Variants in PTPRD observed in about 807,000 individuals in gnomAD.
PTPRD encodes the protein protein tyrosine phosphatase receptor type D.
A neutral mutation model predicts 214.5 loss-of-function variants in PTPRD; 34 were observed. The observed-to-expected ratio is 0.16, with a 90% CI of 0.12 to 0.21. PTPRD has a LOEUF of 0.21. Ranked by LOEUF, PTPRD falls within the 10% of genes least tolerant of loss-of-function variation. PTPRD has a pLI of 1.00. For missense variants in PTPRD, 2,545 were observed against 2,398.7 expected (o/e 1.06, Z -1.27); for synonymous variants, 1,128 against 845.7 (o/e 1.33, Z -5.79).
intron 5 of PTPRD, among the ~76,000 whole-genome samples, chr9:9,792,639 C>T (rs2098975755): frequency 6.6e-6 from 1 of 152,100 alleles, no homozygotes; most frequent in South Asian, 2.1e-4. Context: ...TGAGGAAGTA[C>T]ACTCAGTGGC....
At chr9:10,076,282 C>A (rs1464485430) in intron 3 of PTPRD, among the ~76,000 whole-genome samples, 5 of 152,070 alleles carry the variant, frequency 3.3e-5, no homozygotes, top group Admixed American at 2.0e-4. Context: ...CCACGGTACT[C>A]ATCATCCTAT....
At chr9:9,705,552 T>A (rs2097584104) in intron 7 of PTPRD, among the ~76,000 whole-genome samples, 1 of 152,102 alleles carries the variant, frequency 6.6e-6, no homozygotes, top group African/African-American at 2.4e-5. Context: ...GCACTTGAGG[T>A]CTTTGCTCTC....
At chr9:9,796,529 G>T (rs749557475) in intron 5 of PTPRD, among the ~76,000 whole-genome samples, 8 of 152,080 alleles carry the variant, frequency 5.3e-5, no homozygotes, top group African/African-American at 1.9e-4. Context: ...AAGTAGATGA[G>T]AATTCTCAGG....
chr9:8,728,548 C>T (rs932611235), intron 12 of PTPRD, among the ~76,000 whole-genome samples: 3 of 152,198 alleles, frequency 2.0e-5, no homozygotes, highest in African/African-American at 7.2e-5. Context: ...ACTGACTCTG[C>T]CTACTGAAAT....
chr9:10,153,910 A>G (rs919388249), intron 3 of PTPRD, among the ~76,000 whole-genome samples: 1 of 152,084 alleles, frequency 6.6e-6, no homozygotes, highest in African/African-American at 2.4e-5. Context: ...AGTTGATTCT[A>G]TGTCTTTGAT....
At chr9:8,550,769 A>C (rs1420837208) in intron 14 of PTPRD, among the ~76,000 whole-genome samples, 4 of 152,236 alleles carry the variant, frequency 2.6e-5, no homozygotes, top group Non-Finnish European at 4.4e-5. Context: ...CTACAGCTTT[A>C]ACTATGAGAA....
intron 9 of PTPRD, among the ~76,000 whole-genome samples, chr9:9,296,973 A>G (rs984221786): frequency 1.3e-5 from 2 of 151,700 alleles, no homozygotes; most frequent in African/African-American, 4.8e-5. Context: ...AGTCTATAAA[A>G]CTTCTTTAAC....
chr9:9,334,469 A>T (rs1202548077), intron 9 of PTPRD, among the ~76,000 whole-genome samples: 1 of 151,978 alleles, frequency 6.6e-6, no homozygotes, highest in East Asian at 1.9e-4. Context: ...AGTTTCCCTA[A>T]CTTTTCCATC....
intron 9 of PTPRD, among the ~76,000 whole-genome samples, chr9:9,285,722 G>A (rs559765038): frequency 1.7e-4 from 26 of 151,642 alleles, no homozygotes; most frequent in African/African-American, 5.6e-4. Context: ...CCCCTCTTAC[G>A]GAGTACTACT....
intron 11 of PTPRD, among the ~76,000 whole-genome samples, chr9:8,911,771 C>G (rs2098750017): frequency 6.6e-6 from 1 of 151,834 alleles, no homozygotes; most frequent in Non-Finnish European, 1.5e-5. Context: ...AATTATATTT[C>G]TGATAGAGGA....
At chr9:10,200,101 C>T (rs2099413651) in intron 3 of PTPRD, among the ~76,000 whole-genome samples, 1 of 151,944 alleles carries the variant, frequency 6.6e-6, no homozygotes, top group African/African-American at 2.4e-5. Flanking sequence ...CATTTTGTGA[C>T]GTGCAATATG....
rs575058286 is a variant in PTPRD at position 10,157,605 on chromosome 9, A to C, written c.-544-123815T>G. ...TTTGCCCTTGGGGAATCTGATAATT[A>C]TGTGACTTGGAAATGATCTTCTTGT... is the stretch of plus-strand genomic sequence containing the variant. On this transcript the variant is annotated intron_variant, in intron 3 of 45. Transcript: ENST00000381196. 5.9e-5 allele frequency among the ~76,000 whole-genome samples: 9 copies of C among 152,104 alleles called. No homozygotes were observed. The South Asian group carries it at 1.7e-3, about 28-fold the overall frequency.
In PTPRD at chr9:9,028,830, C is replaced by T. The variant is rs59683743; in HGVS notation, c.-142-10095G>A. On this transcript the variant is annotated intron_variant, in intron 10 of 45. Transcript: ENST00000381196. ...TGATGACTGGGGAAGTTTGCCCAGGCGAGTTAGAATTTAAGTGAGAGAGCC... is the reference window on the plus strand; with the variant it reads ...TGATGACTGGGGAAGTTTGCCCAGGTGAGTTAGAATTTAAGTGAGAGAGCC... Among the ~76,000 whole-genome samples, 446 of 151,710 alleles carry T rather than the reference C, an allele frequency of 2.9e-3. 2 individuals are homozygous for T. Among genetic ancestry groups the T allele is most frequent in the African/African-American group, 0.01 (420 of 41,376 alleles).
intron 6 of PTPRD, among the ~76,000 whole-genome samples, chr9:9,739,415 TC>T (rs2098361666): frequency 6.6e-6 from 1 of 152,208 alleles, no homozygotes; most frequent in East Asian, 1.9e-4. Flanking sequence ...ACTTAGAGTG[TC>T]TTTTTCTTGC....
At chr9:9,032,888 C>A (rs1404597923) in intron 10 of PTPRD, among the ~76,000 whole-genome samples, 2 of 152,110 alleles carry the variant, frequency 1.3e-5, no homozygotes, top group East Asian at 3.9e-4. Flanking sequence ...GGCGTCTTCC[C>A]TTCCAGCCGG....
At chr9:9,946,173 G>A (rs542142870) in intron 4 of PTPRD, among the ~76,000 whole-genome samples, 1 of 152,082 alleles carries the variant, frequency 6.6e-6, no homozygotes, top group African/African-American at 2.4e-5. Context: ...AGGCTTTGTG[G>A]TTTTCTTCTT....
chr9:9,472,377 G>GT (rs1213509816), intron 8 of PTPRD, among the ~76,000 whole-genome samples: 1 of 151,230 alleles, frequency 6.6e-6, no homozygotes, highest in Non-Finnish European at 1.5e-5. Flanking sequence ...CTAATTTTTT[G>GT]TATTTTTAGT....
At chr9:8,688,853 C>A (rs2097747835) in intron 12 of PTPRD, among the ~76,000 whole-genome samples, 1 of 152,112 alleles carries the variant, frequency 6.6e-6, no homozygotes, top group Admixed American at 6.5e-5. Flanking sequence ...ATGGTTTTAT[C>A]CAAATAATCT....
intron 3 of PTPRD, among the ~76,000 whole-genome samples, chr9:10,261,746 T>C (rs1217109175): frequency 6.6e-6 from 1 of 152,146 alleles, no homozygotes; most frequent in Non-Finnish European, 1.5e-5. Flanking sequence ...GAATCATTCC[T>C]TGAACTCAGC....
Sources: allele counts gnomAD v4.1 joint callset (sites outside exome capture counted in the v4.1 genomes callset), GRCh38; gene constraint gnomAD v4.1.1; transcripts MANE v1.5; gene names NCBI Gene and HGNC (gene_info 2026-07-23, HGNC 2026-07-21).